ITCH: variants seen among roughly 807,000 people sequenced by gnomAD.
The protein encoded by ITCH is E3 ubiquitin-protein ligase Itchy homolog.
Under a neutral mutation model 126.8 loss-of-function variants are expected in ITCH, and 28 were observed. The observed-to-expected ratio is 0.22, with a 90% CI of 0.16 to 0.30. The LOEUF (loss-of-function observed/expected upper bound fraction) is 0.30. Among genes scored for constraint, ITCH ranks in the 10% least tolerant of loss-of-function variants. The pLI is 1.00. For synonymous variants in ITCH, 342 were observed against 340.0 expected (o/e 1.01, Z -0.06); for missense variants, 631 against 1,032.4 (o/e 0.61, Z 5.33).
chr20:34,399,327 G>T (rs1248617775), intron 3 of ITCH, among the ~76,000 whole-genome samples: 1 of 151,978 alleles, frequency 6.6e-6, no homozygotes, highest in African/African-American at 2.4e-5. Context: ...GGGAGGCGGA[G>T]ATGGCGGTGA....
chr20:34,498,499 A>C (rs1476631561), intron 23 of ITCH, among the ~76,000 whole-genome samples: 1 of 152,170 alleles, frequency 6.6e-6, no homozygotes, highest in Non-Finnish European at 1.5e-5. Flanking sequence ...GTTCAGGTAC[A>C]TTCCTTCTGT....
intron 2 of ITCH, among the ~76,000 whole-genome samples, chr20:34,382,906 G>C (rs2038122198): frequency 6.6e-6 from 1 of 150,842 alleles, no homozygotes; most frequent in African/African-American, 2.4e-5. Context: ...GCCACGCCTG[G>C]CTAATTTTTG....
At chr20:34,394,109 G>C (rs573209903) in intron 3 of ITCH, among the ~76,000 whole-genome samples, 1 of 151,724 alleles carries the variant, frequency 6.6e-6, no homozygotes, top group East Asian at 1.9e-4. Flanking sequence ...CTACTCCGGA[G>C]GCTGAGGCGT....
At chr20:34,476,488 G>C in intron 16 of ITCH, 1 of 1,205,604 alleles carries the variant, frequency 8.3e-7, no homozygotes, top group East Asian at 3.5e-5. Flanking sequence ...CCGCGGTCGG[G>C]AACTCAAAAG....
At chr20:34,438,847 T>G (rs1478596828) in intron 8 of ITCH, among the ~76,000 whole-genome samples, 1 of 152,194 alleles carries the variant, frequency 6.6e-6, no homozygotes, top group African/African-American at 2.4e-5. Context: ...CTACTGAGAA[T>G]GAAAATGACA....
intron 10 of ITCH, among the ~76,000 whole-genome samples, chr20:34,443,715 T>G (rs1984068487): frequency 6.6e-6 from 1 of 152,152 alleles, no homozygotes; most frequent in African/African-American, 2.4e-5. Context: ...CTGGGCACAG[T>G]GGCTGATGCC....
chr20:34,459,273 A>C (rs1188420207), intron 13 of ITCH, among the ~76,000 whole-genome samples: 2 of 152,220 alleles, frequency 1.3e-5, no homozygotes, highest in Non-Finnish European at 2.9e-5. Flanking sequence ...CTGAACATCC[A>C]GCATTATTGT....
chr20:34,406,172 C>T (rs781584996), intron 3 of ITCH, among the ~76,000 whole-genome samples: 12 of 151,908 alleles, frequency 7.9e-5, no homozygotes, highest in Non-Finnish European at 1.6e-4. Flanking sequence ...TACAGGTGCA[C>T]GCCATCATGC....
intron 12 of ITCH, 112 bp from the exon 13 acceptor site, chr20:34,457,278 A>G: frequency 1.3e-6 from 1 of 754,566 alleles, no homozygotes; most frequent in Admixed American, 2.1e-5. Flanking sequence ...AAACTATAAA[A>G]TAAACAATGA....
chr20:34,375,544 G>A (rs763087614), intron 2 of ITCH, among the ~76,000 whole-genome samples: 4 of 151,192 alleles, frequency 2.6e-5, no homozygotes, highest in Non-Finnish European at 5.9e-5. Flanking sequence ...GACCAGCCTG[G>A]ATAACATAGT....
chr20:34,407,778 C>T (rs1309328770), intron 3 of ITCH, among the ~76,000 whole-genome samples: 4 of 152,142 alleles, frequency 2.6e-5, no homozygotes, highest in African/African-American at 9.7e-5. Flanking sequence ...AAAGGCCTTC[C>T]TTACTACCAA....
intron 23 of ITCH, among the ~76,000 whole-genome samples, chr20:34,495,837 G>T (rs1196203312): frequency 6.6e-6 from 1 of 151,162 alleles, no homozygotes; most frequent in Non-Finnish European, 1.5e-5. Context: ...GTTGTTGGGC[G>T]GCTGAGATGG....
At chr20:34,413,368 T>G (rs1023559760) in intron 5 of ITCH, among the ~76,000 whole-genome samples, 4 of 152,222 alleles carry the variant, frequency 2.6e-5, no homozygotes, top group Admixed American at 6.5e-5. Context: ...ATTTAGGACT[T>G]ATTAGATATA....
chr20:34,483,510 C>T (rs1988906094), intron 20 of ITCH, among the ~76,000 whole-genome samples: 1 of 152,310 alleles, frequency 6.6e-6, no homozygotes, highest in South Asian at 2.1e-4. Flanking sequence ...GGGCAAAATG[C>T]TGCCAGTCTC....
chr20:34,369,348 A>AC lies in ITCH; in HGVS notation c.-98-46_-98-45insC, dbSNP rs11473703. ...CTCCATCTCAAAAACAAACAAACAAAAAAATATAGAAGTAATGTGTTAATG... is the reference window on the plus strand; with the variant it reads ...CTCCATCTCAAAAACAAACAAACAAACAAAATATAGAAGTAATGTGTTAATG... On this transcript the variant is annotated intron_variant, in intron 1 of 24. Transcript: ENST00000374864. 400 of 394,384 alleles carry AC rather than the reference A, an allele frequency of 1.0e-3. 3 individuals are homozygous for AC. Among genetic ancestry groups the AC allele is most frequent in the African/African-American group, 6.6e-3 (310 of 47,286 alleles). The allele number at this position is 394,384 out of a possible 1,614,324, so 24.4% of individuals were successfully genotyped here.
At chr20:34,402,955 A>C (rs927206341) in intron 3 of ITCH, among the ~76,000 whole-genome samples, 1 of 152,224 alleles carries the variant, frequency 6.6e-6, no homozygotes, top group Non-Finnish European at 1.5e-5. Flanking sequence ...AATTTATTAC[A>C]GTGCAATATA....
chr20:34,470,026 G>C (rs370827075), intron 14 of ITCH, 22 bp from the exon 15 acceptor site: 2 of 1,599,678 alleles, frequency 1.3e-6, no homozygotes, highest in Non-Finnish European at 1.7e-6. Context: ...TATATGTCCT[G>C]TTAACCCTTG....
At chr20:34,388,952 G>A (rs905905771) in intron 2 of ITCH, among the ~76,000 whole-genome samples, 1 of 152,060 alleles carries the variant, frequency 6.6e-6, no homozygotes, top group Non-Finnish European at 1.5e-5. Context: ...TGCTGTCCTA[G>A]AACTTAAAAT....
At chr20:34,464,120 G>A (rs1451970268) in intron 14 of ITCH, among the ~76,000 whole-genome samples, 1 of 149,560 alleles carries the variant, frequency 6.7e-6, no homozygotes, top group Non-Finnish European at 1.5e-5. Flanking sequence ...GCCTACAGGC[G>A]CCCGCCACCA....
Sources: gnomAD v4.1 joint callset for allele counts (sites outside exome capture counted in the v4.1 genomes callset) on GRCh38, gnomAD v4.1.1 for gene constraint, MANE v1.5 for transcripts, NCBI Gene and HGNC (gene_info 2026-07-23, HGNC 2026-07-21) for gene names.